LIMCH1: variants seen among roughly 807,000 people sequenced by gnomAD.
The protein encoded by LIMCH1 is LIM and calponin homology domains-containing protein 1.
A neutral mutation model predicts 176.5 loss-of-function variants in LIMCH1; 113 were observed. The observed-to-expected ratio is 0.64, with a 90% CI of 0.55 to 0.75. The LOEUF (loss-of-function observed/expected upper bound fraction) is 0.75, where lower values mean the gene tolerates loss of function less well. LIMCH1 is among the 30% of genes least tolerant of loss of function. The pLI, the probability that LIMCH1 is intolerant of heterozygous loss-of-function variation, is 0.00. For synonymous variants in LIMCH1, 619 were observed against 645.9 expected (o/e 0.96, Z 0.63); for missense variants, 1,674 against 1,814.9 (o/e 0.92, Z 1.41).
intron 2 of LIMCH1, among the ~76,000 whole-genome samples, chr4:41,511,981 G>T (rs893832043): frequency 4.0e-5 from 6 of 151,750 alleles, no homozygotes; most frequent in African/African-American, 1.5e-4. Flanking sequence ...CCACAGAATG[G>T]GAAAAAATAT....
chr4:41,520,642 G>T (rs1204197994), intron 2 of LIMCH1, among the ~76,000 whole-genome samples: 1 of 152,130 alleles, frequency 6.6e-6, no homozygotes, highest in Non-Finnish European at 1.5e-5. Flanking sequence ...CACATAGCAG[G>T]CACTTGATCA....
Position 41,626,888 on chromosome 4 carries a change from G to A in LIMCH1, c.906G>A (p.Lys302=), listed in dbSNP as rs2092991015. ...GGAGAGCAAGGATGAACCAAACCAA[G>A]CCAATGGTGCCATTAAATCAACTCC... ...AARRARMNQT[K]PMVPLNQLLY... is the part of the protein sequence containing the mutation. Residue 302 remains lysine (K), a synonymous_variant, in exon 8 of 32, where the codon AAG becomes AAA. Coordinates refer to ENST00000503057, the MANE Select transcript of LIMCH1 (RefSeq NM_001330672.2). The A allele has an allele frequency of 6.5e-7, 1 of 1,535,996 alleles. No homozygotes were observed. Among genetic ancestry groups the A allele is most frequent in the African/African-American group, 1.4e-5 (1 of 73,026 alleles).
chr4:41,395,498 C>T lies in LIMCH1; in HGVS notation c.96+34562C>T, dbSNP rs570710462. 1.7e-4 allele frequency among the ~76,000 whole-genome samples: 26 copies of T among 152,096 alleles called. 1 individual carries two copies. The highest frequency in any genetic ancestry group is 1.4e-3 in the Admixed American group (22 of 15,278). ...CCTCAAGTGATCCGCCCGCCTTGGC[C>T]TCCCAAAGTGCTGTGATTACAGGCA... On this transcript the variant is annotated intron_variant, in intron 1 of 26. Transcript: ENST00000313860.
chr4:41,408,441 T>A (rs1355960461), intron 1 of LIMCH1, among the ~76,000 whole-genome samples: 1 of 152,216 alleles, frequency 6.6e-6, no homozygotes, highest in Non-Finnish European at 1.5e-5. Flanking sequence ...TGCAAAACTC[T>A]TACTACTATC....
At chr4:41,655,329 T>C (rs766453670) in intron 18 of LIMCH1, among the ~76,000 whole-genome samples, 10 of 152,228 alleles carry the variant, frequency 6.6e-5, no homozygotes, top group Non-Finnish European at 1.5e-4. Flanking sequence ...TTCATGTCTG[T>C]AGAGCACTTA....
chr4:41,454,827 G>A (rs1015385282), intron 1 of LIMCH1, among the ~76,000 whole-genome samples: 1 of 152,226 alleles, frequency 6.6e-6, no homozygotes, highest in Non-Finnish European at 1.5e-5. Context: ...CCAATGCTCA[G>A]TGGTGAGAAG....
At chr4:41,623,577 G>C (rs947124833) in intron 7 of LIMCH1, among the ~76,000 whole-genome samples, 10 of 152,124 alleles carry the variant, frequency 6.6e-5, no homozygotes, top group Admixed American at 5.2e-4. Context: ...GGCCAACATA[G>C]TGAAACCCTG....
chr4:41,398,961 T>G (rs1005926603), intron 1 of LIMCH1, among the ~76,000 whole-genome samples: 1 of 152,204 alleles, frequency 6.6e-6, no homozygotes, highest in African/African-American at 2.4e-5. Context: ...AGGAACTCTT[T>G]GTGTTGTGGT....
At chr4:41,615,490 G>A (rs2091961181) in intron 5 of LIMCH1, among the ~76,000 whole-genome samples, 1 of 152,156 alleles carries the variant, frequency 6.6e-6, no homozygotes, top group Non-Finnish European at 1.5e-5. Flanking sequence ...CACCATCCAT[G>A]AAAGAGCTTC....
intron 13 of LIMCH1, among the ~76,000 whole-genome samples, chr4:41,635,476 C>T (rs1406044560): frequency 5.9e-5 from 9 of 152,266 alleles, no homozygotes; most frequent in Admixed American, 2.0e-4. Context: ...GATCCACCTG[C>T]CTTGATCTCC....
chr4:41,689,034 T>A, intron 29 of LIMCH1: 1 of 154,604 alleles, frequency 6.5e-6, no homozygotes, highest in Non-Finnish European at 1.4e-5. Flanking sequence ...GGGCCCTCTG[T>A]CTAGTCTGCT....
upstream of LIMCH1, chr4:41,359,784 A>G (rs1221934229): frequency 6.6e-6 from 1 of 152,270 alleles, no homozygotes; most frequent in East Asian, 1.9e-4. Flanking sequence ...ACCTCCCGTT[A>G]ATGGAACCGC....
chr4:41,414,325 C>G (rs371812515), intron 1 of LIMCH1, among the ~76,000 whole-genome samples: 1 of 152,116 alleles, frequency 6.6e-6, no homozygotes, highest in African/African-American at 2.4e-5. Context: ...AGACAACTCA[C>G]GTACTACTGA....
chr4:41,417,876 GT>G (rs1480241038), intron 1 of LIMCH1, among the ~76,000 whole-genome samples: 2 of 152,024 alleles, frequency 1.3e-5, no homozygotes, highest in African/African-American at 4.8e-5. Flanking sequence ...CAATGAGCAT[GT>G]ATTATTTTAT....
In LIMCH1 at chr4:41,553,770, A is replaced by G. The variant is rs185302607; in HGVS notation, c.-241+15420A>G. ...AAAGATTCTTGAGCCAGTTTCAGCC[A>G]TCTTCCCTCTTGGATCCAGGGACTG... On this transcript the variant is annotated intron_variant, in intron 1 of 31. Transcript: ENST00000503057. Among the ~76,000 whole-genome samples, 1,196 of 152,282 alleles carry G rather than the reference A, an allele frequency of 7.9e-3. 58 individuals carry two copies. The highest frequency in any genetic ancestry group is 0.071 in the Admixed American group (1,089 of 15,282).
intron 26 of LIMCH1, 84 bp downstream of exon 26, chr4:41,682,544 T>G: frequency 1.5e-6 from 2 of 1,323,980 alleles, no homozygotes; most frequent in Non-Finnish European, 2.1e-6. Context: ...TCATTGCTGA[T>G]GCAAATTACA....
Position 41,522,058 on chromosome 4 carries a change from G to T in LIMCH1, c.168-2351G>T, listed in dbSNP as rs544974886. On this transcript the variant is annotated intron_variant, in intron 2 of 26. Coordinates refer to the LIMCH1 transcript ENST00000313860. Reference sequence around the variant, plus strand: ...TAATTTTAAAATAATGAATTTTGGGGTAGGACATTTTGTTATTTTTTCTAC... The same window carrying T: ...TAATTTTAAAATAATGAATTTTGGGTTAGGACATTTTGTTATTTTTTCTAC... 2.0e-5 allele frequency among the ~76,000 whole-genome samples: 3 copies of T among 152,240 alleles called. No homozygotes were observed. In the East Asian group the frequency reaches 5.8e-4, roughly 29 times the overall value.
rs1726533206 is a variant in LIMCH1, at chr4:41,692,148, T to TA, written c.4276-133dup. 5 of 638,942 alleles carry TA rather than the reference T, an allele frequency of 7.8e-6. No homozygotes were observed. The South Asian group carries it at 9.3e-5, about 12-fold the overall frequency. The allele number at this position is 638,942 out of a possible 1,614,324, so 39.6% of individuals were successfully genotyped here. ...GTAAGTTGACACTGGTGCAGCATCT[T>TA]ACACATAATAGATGCTCCACAAATG... On this transcript the variant is annotated intron_variant, in intron 30 of 31. Transcript: ENST00000503057.
chr4:41,368,071 G>A (rs184201726), intron 1 of LIMCH1, among the ~76,000 whole-genome samples: 17 of 152,126 alleles, frequency 1.1e-4, no homozygotes, highest in Admixed American at 1.1e-3. Flanking sequence ...CCCCTCAGAA[G>A]TGTTTAAAAA....
Sources: allele counts gnomAD v4.1 joint callset (sites outside exome capture counted in the v4.1 genomes callset), GRCh38; gene constraint gnomAD v4.1.1; transcripts MANE v1.5; gene names NCBI Gene and HGNC (gene_info 2026-07-23, HGNC 2026-07-21).